The following ARHGAP15 variants were observed in gnomAD, a reference collection of about 807,000 sequenced individuals.
ARHGAP15 encodes rho GTPase-activating protein 15.
In ARHGAP15, 51 loss-of-function variants were observed where a neutral mutation model predicts 63.7. The ratio of observed to expected loss-of-function variants is 0.80; its 90% CI spans 0.64 to 1.01. The LOEUF is 1.01. Ranked by LOEUF, ARHGAP15 falls within the 50% of genes least tolerant of loss-of-function variation. The probability of loss-of-function intolerance (pLI) is 0.00; values close to 1 mark genes in which losing one functional copy is unlikely to be tolerated. For synonymous variants in ARHGAP15, 191 were observed against 193.8 expected, an observed-to-expected ratio of 0.99 and a Z score of 0.12; for missense variants, 560 against 564.6, an observed-to-expected ratio of 0.99 and a Z score of 0.08.
intron 12 of ARHGAP15, among the ~76,000 whole-genome samples, chr2:143,630,632 T>C (rs893152264): frequency 2.6e-5 from 4 of 152,140 alleles, no homozygotes; most frequent in Non-Finnish European, 5.9e-5. Flanking sequence ...CCACTTCTTT[T>C]AGTATGTGGT....
intron 11 of ARHGAP15, among the ~76,000 whole-genome samples, chr2:143,618,479 T>C (rs1698527750): frequency 6.6e-6 from 1 of 152,218 alleles, no homozygotes; most frequent in Non-Finnish European, 1.5e-5. Flanking sequence ...TAACAAGTTC[T>C]TTTCACTGTA....
At chr2:143,352,361 C>T (rs955015926) in intron 6 of ARHGAP15, among the ~76,000 whole-genome samples, 1 of 152,074 alleles carries the variant, frequency 6.6e-6, no homozygotes, top group Non-Finnish European at 1.5e-5. Flanking sequence ...AATAGATTTG[C>T]CTTTCTCTAC....
intron 8 of ARHGAP15, among the ~76,000 whole-genome samples, chr2:143,439,750 T>C (rs1189654491): frequency 6.6e-6 from 1 of 152,060 alleles, no homozygotes; most frequent in Non-Finnish European, 1.5e-5. Context: ...CAGTCTTATT[T>C]TAGAGCCTGT....
At chr2:143,533,664 G>C (rs1356897692) in intron 10 of ARHGAP15, among the ~76,000 whole-genome samples, 4 of 152,146 alleles carry the variant, frequency 2.6e-5, no homozygotes, top group African/African-American at 9.7e-5. Flanking sequence ...GAGTCTCACT[G>C]ACACTTCTAA....
At chr2:143,510,053 A>G (rs1693513710) in intron 9 of ARHGAP15, among the ~76,000 whole-genome samples, 1 of 151,054 alleles carries the variant, frequency 6.6e-6, no homozygotes, top group Non-Finnish European at 1.5e-5. Flanking sequence ...AAAAATAGAA[A>G]CACCATGCTT....
chr2:143,598,929 T>C (rs1420900064), intron 11 of ARHGAP15, among the ~76,000 whole-genome samples: 1 of 127,272 alleles, frequency 7.9e-6, no homozygotes, highest in Admixed American at 7.7e-5. Flanking sequence ...AATAAGTTGG[T>C]TTTTTTTTTT....
chr2:143,225,176 C>T (rs923615384), intron 4 of ARHGAP15, among the ~76,000 whole-genome samples: 2 of 152,094 alleles, frequency 1.3e-5, no homozygotes, highest in African/African-American at 4.8e-5. Flanking sequence ...ATTTTTATTC[C>T]GCACTGGGCT....
chr2:143,266,392 C>T (rs1003887723), intron 6 of ARHGAP15, among the ~76,000 whole-genome samples: 6 of 152,176 alleles, frequency 3.9e-5, no homozygotes, highest in African/African-American at 1.4e-4. Context: ...AAGCAAGTAA[C>T]TAAGACTTGG....
intron 1 of ARHGAP15, among the ~76,000 whole-genome samples, chr2:143,150,394 T>A (rs1237548677): frequency 1.3e-5 from 2 of 151,892 alleles, no homozygotes; most frequent in East Asian, 3.9e-4. Context: ...AGTAGGAAAA[T>A]CAAGCCCAGA....
chr2:143,476,469 G>A (rs922794114), intron 8 of ARHGAP15, among the ~76,000 whole-genome samples: 5 of 152,140 alleles, frequency 3.3e-5, no homozygotes, highest in Admixed American at 6.5e-5. Flanking sequence ...GTCACATAAT[G>A]AAGAAAACAT....
intron 2 of ARHGAP15, among the ~76,000 whole-genome samples, chr2:143,162,800 G>A (rs925068034): frequency 6.6e-6 from 1 of 151,960 alleles, no homozygotes; most frequent in Non-Finnish European, 1.5e-5. Context: ...AAGGTGATAT[G>A]TGTCACTTTA....
At chr2:143,365,037 A>T (rs1343014420) in intron 6 of ARHGAP15, among the ~76,000 whole-genome samples, 3 of 152,026 alleles carry the variant, frequency 2.0e-5, no homozygotes, top group Non-Finnish European at 4.4e-5. Flanking sequence ...ATAAATAAAT[A>T]GTTTCATTCT....
At chr2:143,709,556 A>G (rs1300791131) in intron 13 of ARHGAP15, among the ~76,000 whole-genome samples, 2 of 152,104 alleles carry the variant, frequency 1.3e-5, no homozygotes, top group Admixed American at 1.3e-4. Context: ...AAAAAATGAT[A>G]TGGCTGAATA....
intron 8 of ARHGAP15, among the ~76,000 whole-genome samples, chr2:143,438,075 C>T (rs1689692906): frequency 6.6e-6 from 1 of 152,106 alleles, no homozygotes; most frequent in South Asian, 2.1e-4. Context: ...TTCCCAAAGT[C>T]TTAAAAATTA....
chr2:143,470,526 T>TTATATA (rs57336698), intron 8 of ARHGAP15, among the ~76,000 whole-genome samples: 3 of 148,252 alleles, frequency 2.0e-5, no homozygotes, highest in African/African-American at 4.9e-5. Flanking sequence ...TTCTTTTGTT[T>TTATATA]TATATATATA....
chr2:143,370,023 T>G (rs971905838), intron 6 of ARHGAP15, among the ~76,000 whole-genome samples: 1 of 152,132 alleles, frequency 6.6e-6, no homozygotes, highest in Non-Finnish European at 1.5e-5. Flanking sequence ...ATCACAATCA[T>G]TTTGGGACAG....
intron 6 of ARHGAP15, among the ~76,000 whole-genome samples, chr2:143,303,994 A>G (rs961704474): frequency 6.6e-6 from 1 of 152,192 alleles, no homozygotes; most frequent in Non-Finnish European, 1.5e-5. Flanking sequence ...AAACACTTTT[A>G]CACTGTTGGT....
chr2:143,436,869 T>G, intron 7 of ARHGAP15, 44 bp from the exon 8 acceptor site: 3 of 1,582,684 alleles, frequency 1.9e-6, no homozygotes, highest in Non-Finnish European at 2.6e-6. Context: ...GTGAATCCTT[T>G]CTTTCTAGTA....
intron 5 of ARHGAP15, among the ~76,000 whole-genome samples, chr2:143,229,835 G>C (rs1034477124): frequency 6.6e-6 from 1 of 152,160 alleles, no homozygotes; most frequent in Non-Finnish European, 1.5e-5. Flanking sequence ...GGTAGCATTT[G>C]ACTTGCTTCT....
Sources: allele counts gnomAD v4.1 joint callset (sites outside exome capture counted in the v4.1 genomes callset), GRCh38; gene constraint gnomAD v4.1.1; transcripts MANE v1.5; gene names NCBI Gene and HGNC (gene_info 2026-07-23, HGNC 2026-07-21).